Variants in MARCHF1 observed in about 807,000 individuals in gnomAD.
MARCHF1 encodes membrane associated ring-CH-type finger 1, also known as E3 ubiquitin-protein ligase MARCHF1.
Under a neutral mutation model 54.2 loss-of-function variants are expected in MARCHF1, and 40 were observed. That is an observed-to-expected ratio of 0.74 (90% confidence interval 0.57 to 0.96). The LOEUF (loss-of-function observed/expected upper bound fraction) is 0.96, where lower values mean the gene tolerates loss of function less well. Among genes scored for constraint, MARCHF1 ranks in the 40% least tolerant of loss-of-function variants. MARCHF1 has a pLI of 0.00. For synonymous variants in MARCHF1, 236 were observed against 236.3 expected (o/e 1.00, Z 0.01); for missense variants, 586 against 656.5 (o/e 0.89, Z 1.17).
intron 1 of MARCHF1, among the ~76,000 whole-genome samples, chr4:164,228,062 T>C (rs557262514): frequency 2.0e-5 from 3 of 152,328 alleles, no homozygotes; most frequent in Non-Finnish European, 4.4e-5. Flanking sequence ...AATTACAGAA[T>C]GTAAGCAAGG....
chr4:164,168,934 A>C (rs948381916), intron 1 of MARCHF1, among the ~76,000 whole-genome samples: 8 of 152,098 alleles, frequency 5.3e-5, no homozygotes, highest in Non-Finnish European at 1.2e-4. Context: ...CCATTACCAC[A>C]GGGTGGGGAG....
chr4:164,376,736 A>G (rs1426406091), intron 1 of MARCHF1, among the ~76,000 whole-genome samples: 1 of 152,160 alleles, frequency 6.6e-6, no homozygotes, highest in African/African-American at 2.4e-5. Flanking sequence ...GCAGGGGGAA[A>G]GATAAGACAT....
chr4:164,194,985 C>A (rs1199675315), intron 1 of MARCHF1, among the ~76,000 whole-genome samples: 1 of 151,644 alleles, frequency 6.6e-6, no homozygotes, highest in East Asian at 1.9e-4. Context: ...CCCTGACAGG[C>A]CCCAGTGTGT....
At chr4:164,327,449 C>T (rs892058806) in intron 1 of MARCHF1, among the ~76,000 whole-genome samples, 5 of 151,966 alleles carry the variant, frequency 3.3e-5, no homozygotes, top group East Asian at 1.9e-4. Context: ...GAGCTAAAGT[C>T]GGGGCAAGGG....
At chr4:163,762,105 ACT>A (rs1385831782) in intron 4 of MARCHF1, among the ~76,000 whole-genome samples, 45 of 152,042 alleles carry the variant, frequency 3.0e-4, no homozygotes, top group African/African-American at 1.0e-3. Context: ...TATTGAAGTG[ACT>A]CTCTGTATAA....
intron 2 of MARCHF1, among the ~76,000 whole-genome samples, chr4:164,061,745 T>C (rs1273992874): frequency 2.0e-5 from 3 of 152,076 alleles, no homozygotes; most frequent in Non-Finnish European, 4.4e-5. Flanking sequence ...TAGAATTTTA[T>C]CTAAAAATGT....
chr4:164,214,338 T>G (rs1470145908), intron 1 of MARCHF1, among the ~76,000 whole-genome samples: 1 of 152,210 alleles, frequency 6.6e-6, no homozygotes, highest in Non-Finnish European at 1.5e-5. Context: ...CCTATCTGGT[T>G]AACATGAAAC....
intron 1 of MARCHF1, among the ~76,000 whole-genome samples, chr4:164,362,534 T>C (rs1006301941): frequency 2.0e-5 from 3 of 152,246 alleles, no homozygotes; most frequent in South Asian, 2.1e-4. Flanking sequence ...CCAAGGCTAA[T>C]TGGACTAGAA....
chr4:163,924,187 T>G (rs11930746), intron 3 of MARCHF1, among the ~76,000 whole-genome samples: 2 of 151,998 alleles, frequency 1.3e-5, no homozygotes. Flanking sequence ...AATTACTTAA[T>G]GCTGCAAAAG....
At position 163,894,566 on chromosome 4, in the gene MARCHF1, T is replaced by TATATATGCATATATGC. The variant is rs71600648; in HGVS notation, c.-38-40398_-38-40397insGCATATATGCATATAT. On this transcript the variant is annotated intron_variant, in intron 3 of 9. Transcript: ENST00000514618. ...AAATCTACTCCTGCACATGCATATA[T>TATATATGCATATATGC]ATATATGCATGTGATGCATATATAT... is the stretch of plus-strand genomic sequence containing the variant. Among the ~76,000 whole-genome samples the TATATATGCATATATGC allele has an allele frequency of 5.2e-5, 4 of 76,694 alleles. No individual in the cohort carries two copies. In the South Asian group the frequency reaches 1.9e-3, roughly 37 times the overall value. 50.3% of individuals were successfully genotyped at this position (76,694 alleles called of 152,430 possible). A position where few individuals can be genotyped will look rare whatever the true frequency, so the allele number is the denominator to read the frequency against.
chr4:163,729,460 G>T (rs1745765087), intron 4 of MARCHF1, among the ~76,000 whole-genome samples: 1 of 152,018 alleles, frequency 6.6e-6, no homozygotes, highest in African/African-American at 2.4e-5. Flanking sequence ...TTATCTAATA[G>T]ATATAAGCCT....
intron 3 of MARCHF1, among the ~76,000 whole-genome samples, chr4:163,923,711 A>G (rs1408203427): frequency 6.6e-6 from 1 of 151,778 alleles, no homozygotes; most frequent in Admixed American, 6.6e-5. Context: ...TGTATTTAAT[A>G]TATACATTTA....
chr4:163,740,179 C>T (rs918086342), intron 4 of MARCHF1, among the ~76,000 whole-genome samples: 1 of 152,120 alleles, frequency 6.6e-6, no homozygotes, highest in Admixed American at 6.5e-5. Flanking sequence ...TATCTCCATC[C>T]CCTGTCCTCC....
At chr4:164,251,926 A>G (rs1247713801) in intron 1 of MARCHF1, among the ~76,000 whole-genome samples, 2 of 152,202 alleles carry the variant, frequency 1.3e-5, no homozygotes, top group African/African-American at 4.8e-5. Flanking sequence ...ATAGATTTTA[A>G]AAATTATTTT....
chr4:164,103,991 A>G (rs1379412246), intron 2 of MARCHF1, among the ~76,000 whole-genome samples: 2 of 151,056 alleles, frequency 1.3e-5, no homozygotes, highest in Non-Finnish European at 2.9e-5. Flanking sequence ...AAACACCTCT[A>G]CGCAAATAAA....
chr4:163,576,822 G>GTT lies in MARCHF1; in HGVS notation c.1191+8925_1191+8926dup, dbSNP rs35903039. Among the ~76,000 whole-genome samples, 114 of 150,190 alleles carry GTT rather than the reference G, an allele frequency of 7.6e-4. No homozygotes were observed. In the Middle Eastern group the frequency reaches 0.01, roughly 14 times the overall value. ...ATATCCTTCTTTGTCCATTTTTACT[G>GTT]TTTTTTTTTAACTATTGGTTTAAAG... is the stretch of plus-strand genomic sequence containing the variant. On this transcript the variant is annotated intron_variant, in intron 8 of 9. Coordinates refer to ENST00000514618, the MANE Select transcript of MARCHF1 (RefSeq NM_001394959.1).
At chr4:163,712,617 G>A (rs529707778) in intron 4 of MARCHF1, among the ~76,000 whole-genome samples, 1 of 152,174 alleles carries the variant, frequency 6.6e-6, no homozygotes, top group South Asian at 2.1e-4. Context: ...CCTCCCTTAT[G>A]TCAGTAATAT....
intron 1 of MARCHF1, among the ~76,000 whole-genome samples, chr4:164,201,866 T>A (rs1731463527): frequency 6.6e-6 from 1 of 152,170 alleles, no homozygotes; most frequent in Non-Finnish European, 1.5e-5. Flanking sequence ...TTTTTTATTA[T>A]GACATATAAG....
chr4:163,870,570 A>G (rs1311467684), intron 3 of MARCHF1, among the ~76,000 whole-genome samples: 5 of 152,160 alleles, frequency 3.3e-5, no homozygotes, highest in African/African-American at 1.2e-4. Flanking sequence ...ACGTGATGGT[A>G]AAGCAAAGTG....
Sources: gnomAD v4.1 joint callset for allele counts (sites outside exome capture counted in the v4.1 genomes callset) on GRCh38, gnomAD v4.1.1 for gene constraint, MANE v1.5 for transcripts, NCBI Gene and HGNC (gene_info 2026-07-23, HGNC 2026-07-21) for gene names.